PRR33: variants seen among roughly 807,000 people sequenced by gnomAD.
PRR33 encodes the protein proline-rich protein 33.
PRR33 carries 1 observed loss-of-function variant against 0.5 expected under a neutral mutation model. That is an observed-to-expected ratio of 2.18 (90% CI 0.77 to 10.34). The LOEUF is 10.34. Among genes scored for constraint, PRR33 ranks in the 30% most tolerant of loss-of-function variants. PRR33 has a pLI of 0.13. For synonymous variants in PRR33, 226 were observed against 110.0 expected (o/e 2.06, Z -6.60); for missense variants, 552 against 251.8 (o/e 2.19, Z -8.07).
At chr11:1,913,778 T>TA in the PRR33 span, among the ~76,000 whole-genome samples, 1 of 152,254 alleles carries the variant, frequency 6.6e-6, no homozygotes, top group South Asian at 2.1e-4. Flanking sequence ...TCTGTTCCAC[T>TA]AAGCCAAGTC....
At chr11:1,893,833 G>A (rs930629235), upstream of PRR33, among the ~76,000 whole-genome samples, 14 of 150,168 alleles carry the variant, frequency 9.3e-5, no homozygotes, top group Non-Finnish European at 1.8e-4. Flanking sequence ...GTGTGGATGG[G>A]TAGATGAAAG....
chr11:1,916,294 C>A, the PRR33 span, among the ~76,000 whole-genome samples: 7 of 152,136 alleles, frequency 4.6e-5, no homozygotes, highest in Non-Finnish European at 1.0e-4. Flanking sequence ...TTTGCCATTC[C>A]CTTGGGTCCT....
chr11:1,909,476 T>A, the PRR33 span, among the ~76,000 whole-genome samples: 1 of 152,238 alleles, frequency 6.6e-6, no homozygotes, highest in Middle Eastern at 3.4e-3. Context: ...CCGGGCGTGG[T>A]GGCACGCGCC....
At chr11:1,917,432 C>T in the PRR33 span, among the ~76,000 whole-genome samples, 1 of 152,190 alleles carries the variant, frequency 6.6e-6, no homozygotes, top group Non-Finnish European at 1.5e-5. Flanking sequence ...ATTTCAGAAC[C>T]CCCCCATCCC....
chr11:1,904,928 G>T, the PRR33 span, among the ~76,000 whole-genome samples: 1 of 151,822 alleles, frequency 6.6e-6, no homozygotes, highest in Admixed American at 6.6e-5. Flanking sequence ...TTGGCTAAAG[G>T]TTTATCAGGA....
the PRR33 span, chr11:1,902,787 A>T: frequency 6.6e-6 from 1 of 151,996 alleles, no homozygotes; most frequent in African/African-American, 2.4e-5. Flanking sequence ...AAGAATGGCT[A>T]CTCCATAGAC....
exon 1 of PRR33, chr11:1,890,311 C>T (rs1012739262): frequency 1.4e-6 from 1 of 711,178 alleles, no homozygotes; most frequent in African/African-American, 1.7e-5. Context: ...AGGCGTGGGG[C>T]TTCGGCGGGG....
chr11:1,888,995 C>G lies in PRR33; in HGVS notation c.*150G>C, dbSNP rs573280421. On this transcript the variant is annotated 3_prime_UTR_variant, in exon 1 of 1. Transcript: ENST00000640310. ...CTAACCATGCAGACTTCCCTCAGCA[C>G]CCCATGTGCCCTTCCCAGGCTGCCC... 11 of 547,746 alleles carry G rather than the reference C, an allele frequency of 2.0e-5. No individual in the cohort carries two copies. In the African/African-American group the frequency reaches 2.2e-4, roughly 11 times the overall value. 33.9% of individuals were successfully genotyped at this position (547,746 alleles called of 1,614,324 possible).
upstream of PRR33, among the ~76,000 whole-genome samples, chr11:1,896,246 T>A (rs1302914348): frequency 2.0e-5 from 3 of 152,130 alleles, no homozygotes; most frequent in East Asian, 5.8e-4. Context: ...GCAGGGAGAG[T>A]TGACATCTTA....
the PRR33 span, among the ~76,000 whole-genome samples, chr11:1,907,105 T>G: frequency 8.6e-4 from 131 of 152,324 alleles, no homozygotes; most frequent in East Asian, 4.0e-3. Context: ...GCCATTGTGT[T>G]GTGTATTTTG....
the PRR33 span, among the ~76,000 whole-genome samples, chr11:1,914,459 C>T: frequency 6.8e-6 from 1 of 146,964 alleles, no homozygotes; most frequent in Non-Finnish European, 1.5e-5. Context: ...TGTTGGGTCA[C>T]ACACCTAAGA....
At chr11:1,914,886 G>T in the PRR33 span, among the ~76,000 whole-genome samples, 87 of 138,166 alleles carry the variant, frequency 6.3e-4, no homozygotes, top group Non-Finnish European at 1.0e-3. Flanking sequence ...TGTGTTGTGA[G>T]GTCACACACC....
chr11:1,889,847 A>C lies in PRR33; in HGVS notation c.738T>G (p.Pro246=), dbSNP rs1279438291. 4.7e-6 allele frequency: 3 copies of C among 633,662 alleles called. No individual in the cohort carries two copies. In the South Asian group the frequency reaches 5.5e-5, roughly 12 times the overall value. 39.3% of individuals were successfully genotyped at this position (633,662 alleles called of 1,614,324 possible). A position where few individuals can be genotyped will look rare whatever the true frequency, so the allele number is the denominator to read the frequency against. Residue 246 remains proline (P), a synonymous_variant, in exon 1 of 1, where the codon CCT becomes CCG. Coordinates refer to ENST00000640310, the Ensembl canonical transcript of PRR33. ...GGAAGCCGGGTGGCGGCCGTGGTAC[A>C]GGGGGCTCCTCAGGCAAGGGACTGG...
At chr11:1,904,900 G>A in the PRR33 span, among the ~76,000 whole-genome samples, 2 of 151,626 alleles carry the variant, frequency 1.3e-5, no homozygotes, top group Middle Eastern at 3.4e-3. Flanking sequence ...TCCTTTCCCC[G>A]GGCCCTTCCC....
chr11:1,904,077 T>C, the PRR33 span, among the ~76,000 whole-genome samples: 2 of 152,180 alleles, frequency 1.3e-5, no homozygotes, highest in Admixed American at 6.5e-5. Context: ...CACACATCCA[T>C]GGAGCTTTGG....
At chr11:1,909,745 A>G in the PRR33 span, among the ~76,000 whole-genome samples, 1 of 152,036 alleles carries the variant, frequency 6.6e-6, no homozygotes, top group Non-Finnish European at 1.5e-5. Flanking sequence ...GTGTCATTGC[A>G]CTCCAGCCTG....
upstream of PRR33, among the ~76,000 whole-genome samples, chr11:1,895,982 T>C (rs1849120348): frequency 6.6e-6 from 1 of 152,178 alleles, no homozygotes; most frequent in African/African-American, 2.4e-5. Flanking sequence ...CACTCCAGCC[T>C]GGGCAACAGA....
chr11:1,899,253 C>T, the PRR33 span, among the ~76,000 whole-genome samples: 1 of 152,142 alleles, frequency 6.6e-6, no homozygotes, highest in South Asian at 2.1e-4. Flanking sequence ...ACCTTAAAAT[C>T]TCCAATGGGG....
the PRR33 span, among the ~76,000 whole-genome samples, chr11:1,900,154 C>G: frequency 2.0e-4 from 31 of 152,128 alleles, no homozygotes; most frequent in Middle Eastern, 0.01. Flanking sequence ...GACCAGGTGG[C>G]CATCTTGGCT....
Sources: allele counts gnomAD v4.1 joint callset (sites outside exome capture counted in the v4.1 genomes callset), GRCh38; gene constraint gnomAD v4.1.1; transcripts MANE v1.5; gene names NCBI Gene and HGNC (gene_info 2026-07-23, HGNC 2026-07-21).